Variants in AKAP7 observed in about 807,000 individuals in gnomAD.
The protein encoded by AKAP7 is A-kinase anchoring protein 7.
In AKAP7, 39 loss-of-function variants were observed where a neutral mutation model predicts 39.5. The ratio of observed to expected loss-of-function variants is 0.99; its 90% CI spans 0.76 to 1.29. AKAP7 has a LOEUF of 1.29. Ranked by LOEUF, AKAP7 falls within the 50% of genes most tolerant of loss-of-function variation. The probability of loss-of-function intolerance (pLI) is 0.00; values close to 1 mark genes in which losing one functional copy is unlikely to be tolerated. For synonymous variants in AKAP7, 140 were observed against 139.1 expected, an observed-to-expected ratio of 1.01 and a Z score of -0.05; for missense variants, 414 against 407.7, an observed-to-expected ratio of 1.02 and a Z score of -0.13.
intron 5 of AKAP7, among the ~76,000 whole-genome samples, chr6:131,191,608 G>A (rs1160309512): frequency 6.6e-6 from 1 of 152,162 alleles, no homozygotes; most frequent in Non-Finnish European, 1.5e-5. Flanking sequence ...CTAGCAACTT[G>A]AAGAAGAAAA....
intron 6 of AKAP7, among the ~76,000 whole-genome samples, chr6:131,219,238 C>T (rs1585114934): frequency 6.7e-6 from 1 of 149,128 alleles, no homozygotes. Context: ...TGCAGTGAGC[C>T]GAGATCGCGC....
intron 7 of AKAP7, among the ~76,000 whole-genome samples, chr6:131,280,415 C>T (rs1237627862): frequency 6.6e-6 from 1 of 152,156 alleles, no homozygotes; most frequent in Non-Finnish European, 1.5e-5. Context: ...CCAGTTCTCA[C>T]CCTTGGCATA....
At chr6:131,240,966 C>T (rs1811504029) in intron 7 of AKAP7, among the ~76,000 whole-genome samples, 1 of 152,184 alleles carries the variant, frequency 6.6e-6, no homozygotes, top group Admixed American at 6.5e-5. Context: ...GAGATGAACC[C>T]AGTTCCTCAG....
intron 7 of AKAP7, among the ~76,000 whole-genome samples, chr6:131,244,453 A>G (rs1333816581): frequency 6.6e-6 from 1 of 152,214 alleles, no homozygotes; most frequent in Non-Finnish European, 1.5e-5. Flanking sequence ...GTGTCCAGAT[A>G]TGTGCTGGGA....
chr6:131,148,966 T>C, intron 2 of AKAP7, among the ~76,000 whole-genome samples: 1 of 152,184 alleles, frequency 6.6e-6, no homozygotes, highest in Non-Finnish European at 1.5e-5. Context: ...AAATTGCGAG[T>C]TAACTGCCAA....
chr6:131,175,819 C>T (rs975356450), intron 5 of AKAP7, among the ~76,000 whole-genome samples: 3 of 152,146 alleles, frequency 2.0e-5, no homozygotes, highest in East Asian at 3.9e-4. Flanking sequence ...AGTCAGTAGG[C>T]CTTGCTAAGT....
intron 7 of AKAP7, among the ~76,000 whole-genome samples, chr6:131,238,417 T>C (rs1811264502): frequency 6.6e-6 from 1 of 152,226 alleles, no homozygotes; most frequent in Non-Finnish European, 1.5e-5. Flanking sequence ...AGATGTCTAT[T>C]AGGTCTGCTT....
chr6:131,232,745 T>G (rs1184817310), intron 7 of AKAP7, among the ~76,000 whole-genome samples: 1 of 151,886 alleles, frequency 6.6e-6, no homozygotes, highest in Non-Finnish European at 1.5e-5. Context: ...TGAGCTGAGA[T>G]CACCCCACCG....
At chr6:131,127,184 T>C in the AKAP7 span, among the ~76,000 whole-genome samples, 1 of 152,140 alleles carries the variant, frequency 6.6e-6, no homozygotes, top group African/African-American at 2.4e-5. Flanking sequence ...TAGCTGGGAT[T>C]ACAGGCATAT....
chr6:131,142,085 G>A (rs1801091527), intron 1 of AKAP7, among the ~76,000 whole-genome samples: 1 of 151,972 alleles, frequency 6.6e-6, no homozygotes. Flanking sequence ...GGGAAGCAGA[G>A]CACAAAAATT....
chr6:131,244,598 C>T (rs1015793342), intron 7 of AKAP7, among the ~76,000 whole-genome samples: 10 of 152,224 alleles, frequency 6.6e-5, no homozygotes, highest in South Asian at 2.1e-4. Flanking sequence ...CTATCCATGC[C>T]GTTAAATGTT....
chr6:131,230,526 T>G (rs1467844665), intron 7 of AKAP7, among the ~76,000 whole-genome samples: 4 of 152,186 alleles, frequency 2.6e-5, no homozygotes, highest in African/African-American at 9.7e-5. Context: ...AAATATTTTC[T>G]CCTGTTCTGT....
At chr6:131,212,957 T>G (rs1808812057) in intron 6 of AKAP7, among the ~76,000 whole-genome samples, 1 of 152,240 alleles carries the variant, frequency 6.6e-6, no homozygotes, top group African/African-American at 2.4e-5. Flanking sequence ...TTAAAATGTT[T>G]TGAGAGTGTA....
At chr6:131,211,043 T>C (rs564429873) in intron 6 of AKAP7, among the ~76,000 whole-genome samples, 2 of 152,290 alleles carry the variant, frequency 1.3e-5, no homozygotes, top group African/African-American at 4.8e-5. Context: ...GGTGGTAACT[T>C]TTCCATCACA....
At chr6:131,232,739 C>G in intron 7 of AKAP7, among the ~76,000 whole-genome samples, 1 of 151,990 alleles carries the variant, frequency 6.6e-6, no homozygotes, top group East Asian at 1.9e-4. Context: ...GTTGCATGAG[C>G]TGAGATCACC....
At chr6:131,149,789 C>G (rs1801778041) in intron 2 of AKAP7, among the ~76,000 whole-genome samples, 1 of 152,122 alleles carries the variant, frequency 6.6e-6, no homozygotes. Flanking sequence ...TGTTGTGGGT[C>G]AGTTGATTAT....
At chr6:131,185,311 C>T in intron 5 of AKAP7, 1 of 488,752 alleles carries the variant, frequency 2.0e-6, no homozygotes, top group Non-Finnish European at 3.8e-6. Flanking sequence ...AACCTGGTTA[C>T]TTCTTCATCC....
intron 7 of AKAP7, among the ~76,000 whole-genome samples, chr6:131,231,414 A>G (rs1039726708): frequency 3.3e-5 from 5 of 152,084 alleles, no homozygotes; most frequent in African/African-American, 1.2e-4. Flanking sequence ...AGAAAATTTC[A>G]TCTCTACTTA....
chr6:131,130,074 A>G, the AKAP7 span, among the ~76,000 whole-genome samples: 1 of 152,258 alleles, frequency 6.6e-6, no homozygotes, highest in Non-Finnish European at 1.5e-5. Context: ...CCTGAAAGTC[A>G]GAAATGGGTC....
Sources: gnomAD v4.1 joint callset for allele counts (sites outside exome capture counted in the v4.1 genomes callset) on GRCh38, gnomAD v4.1.1 for gene constraint, MANE v1.5 for transcripts, NCBI Gene and HGNC (gene_info 2026-07-23, HGNC 2026-07-21) for gene names.